ITGB2: variants seen among roughly 807,000 people sequenced by gnomAD.
ITGB2 encodes the protein integrin subunit beta 2, also known as integrin beta-2.
In ITGB2, 56 loss-of-function variants were observed where a neutral mutation model predicts 86.8. The ratio of observed to expected loss-of-function variants is 0.65; its 90% CI spans 0.52 to 0.81. The LOEUF is 0.81. Ranked by LOEUF, ITGB2 falls within the 30% of genes least tolerant of loss-of-function variation. ITGB2 has a pLI of 0.00. For synonymous variants in ITGB2, 457 were observed against 450.4 expected, an observed-to-expected ratio of 1.01 and a Z score of -0.19; for missense variants, 948 against 1,061.2, an observed-to-expected ratio of 0.89 and a Z score of 1.48.
In ITGB2 at chr21:44,886,727, G is replaced by A. The variant is rs372892354; in HGVS notation, c.2247+9C>T. ...CCTCTGCGTGGGACCCCCAAGGACG[G>A]CCACTTACATTGTTCCACTGGGACT... On this transcript the variant is annotated intron_variant, in intron 15 of 15. Transcript: ENST00000652462. 2 of 1,613,910 alleles carry A rather than the reference G, an allele frequency of 1.2e-6. No individual in the cohort carries two copies. Among genetic ancestry groups the A allele is most frequent in the Admixed American group, 1.7e-5 (1 of 59,998 alleles).
At chr21:44,925,427 GGAAGGAA>G (rs1257795237), upstream of ITGB2, among the ~76,000 whole-genome samples, 6 of 45,456 alleles carry the variant, frequency 1.3e-4, no homozygotes, top group African/African-American at 3.5e-4. Flanking sequence ...AGGGAGGGAA[GGAAGGAA>G]GGAAGGAAGG....
intron 3 of ITGB2, among the ~76,000 whole-genome samples, chr21:44,908,722 G>A (rs973235286): frequency 3.3e-5 from 5 of 152,178 alleles, no homozygotes; most frequent in Admixed American, 1.3e-4. Context: ...CGGCTTGTCC[G>A]GCTACAACGG....
chr21:44,889,589 G>T, intron 12 of ITGB2, 94 bp from the exon 13 acceptor site: 1 of 1,102,548 alleles, frequency 9.1e-7, no homozygotes. Flanking sequence ...CGGCCCGCCT[G>T]CCTCCTCCAG....
At position 44,903,409 on chromosome 21, in the gene ITGB2, T is replaced by A; in HGVS notation, c.455A>T (p.Asp152Val). The change falls in exon 5 of 16, where the codon GAC (aspartate) becomes GTC (valine). Residue 152 changes from aspartate to valine, a missense_variant. Transcript: ENST00000652462. ...DLRNVKKLGG[D>V]LLRALNEITE... is the part of the protein sequence containing the mutation. ...GATCTCGTTGAGGGCCCGGAGCAGG[T>A]CGCCACCTAGCTTCTTGACATTCCT... is the stretch of plus-strand genomic sequence containing the variant. 1 of 1,613,978 alleles carries A rather than the reference T, an allele frequency of 6.2e-7. No individual in the cohort carries two copies. Among genetic ancestry groups the A allele is most frequent in the East Asian group, 2.2e-5 (1 of 44,854 alleles).
intron 1 of ITGB2, among the ~76,000 whole-genome samples, chr21:44,913,305 C>T (rs140271317): frequency 1.3e-5 from 2 of 152,274 alleles, no homozygotes; most frequent in Non-Finnish European, 2.9e-5. Context: ...CTAACACAGT[C>T]GTGACCAGTG....
In ITGB2 at chr21:44,898,919, C is replaced by A. The variant is rs78840784; in HGVS notation, c.993+148G>T. 3.6e-3 allele frequency: 2,601 copies of A among 727,986 alleles called. 51 individuals carry two copies. The African/African-American group carries it at 0.041, about 11-fold the overall frequency. The allele number at this position is 727,986 out of a possible 1,614,324, so 45.1% of individuals were successfully genotyped here. A position where few individuals can be genotyped will look rare whatever the true frequency, so the allele number is the denominator to read the frequency against. ...CCCCGACGGGAAGCCTCGGGCTCCT[C>A]ACCTAGGGGGATCCAGGACCTGGGC... On this transcript the variant is annotated intron_variant, in intron 8 of 15. Transcript: ENST00000652462.
chr21:44,919,025 C>CTT (rs2084254994), intron 1 of ITGB2, among the ~76,000 whole-genome samples: 4 of 45,666 alleles, frequency 8.8e-5, no homozygotes, highest in Non-Finnish European at 1.5e-4. Flanking sequence ...TCGGAGGCAC[C>CTT]TGCAGTTGCT....
At chr21:44,894,825 G>A in intron 9 of ITGB2, 146 bp downstream of exon 9, 1 of 701,346 alleles carries the variant, frequency 1.4e-6, no homozygotes, top group Non-Finnish European at 2.6e-6. Context: ...GAGGCCTGAG[G>A]GCAGGTCGGG....
chr21:44,915,870 C>T (rs906367300), intron 1 of ITGB2, among the ~76,000 whole-genome samples: 3 of 152,150 alleles, frequency 2.0e-5, no homozygotes, highest in Non-Finnish European at 2.9e-5. Flanking sequence ...GTCAGGGAGA[C>T]GTGTTCCTAC....
At chr21:44,916,871 GAA>G (rs11404188) in intron 1 of ITGB2, among the ~76,000 whole-genome samples, 2 of 68,996 alleles carry the variant, frequency 2.9e-5, no homozygotes, top group Non-Finnish European at 3.6e-5. Flanking sequence ...TGTCTCAAAA[GAA>G]AAAAAAAAAA....
intron 7 of ITGB2, among the ~76,000 whole-genome samples, chr21:44,899,763 G>C (rs2083922352): frequency 6.6e-6 from 1 of 152,208 alleles, no homozygotes; most frequent in Non-Finnish European, 1.5e-5. Flanking sequence ...CCTCCGCAGA[G>C]AGGCTCATCC....
chr21:44,908,017 C>A (rs1346517215), intron 3 of ITGB2: 3 of 716,404 alleles, frequency 4.2e-6, no homozygotes, highest in Admixed American at 4.0e-5. Context: ...TTCAGAGGAG[C>A]TGAAAACCTC....
rs552407409 is a variant in ITGB2 at position 44,910,307 on chromosome 21, C to A, written c.124G>T (p.Gly42Cys). 1.5e-4 allele frequency: 249 copies of A among 1,614,074 alleles called. 1 individual carries two copies. The South Asian group carries it at 2.6e-3, about 17-fold the overall frequency. ...ACCAGCTTCTGGCACCAGGTGCAGC[C>A]GGGCCCCGACTCGATGCATTCCCGG... ...SCRECIESGPGCTWCQKLNFT... is the reference protein window; with the variant it reads ...SCRECIESGPCCTWCQKLNFT... Residue 42 changes from glycine (G) to cysteine (C), a missense_variant, in exon 3 of 16, where the codon GGC (glycine) becomes TGC (cysteine). Transcript: ENST00000652462.
chr21:44,909,729 G>C (rs1381614423), intron 3 of ITGB2, among the ~76,000 whole-genome samples: 1 of 152,202 alleles, frequency 6.6e-6, no homozygotes, highest in Non-Finnish European at 1.5e-5. Flanking sequence ...ATGATAATGA[G>C]ATACCAATGC....
chr21:44,886,519 C>A lies in ITGB2; in HGVS notation c.2248-89G>T, dbSNP rs546316064. 1.6e-3 allele frequency: 2,433 copies of A among 1,484,708 alleles called. 5 individuals carry two copies. The highest frequency in any genetic ancestry group is 2.0e-3 in the Non-Finnish European group (2,073 of 1,062,452). 92.0% of individuals were successfully genotyped at this position (1,484,708 alleles called of 1,614,324 possible). A position where few individuals can be genotyped will look rare whatever the true frequency, so the allele number is the denominator to read the frequency against. ...CTGAGGACACTCCCCGCATGGAAGC[C>A]GTCACTTTGAGGAAGAGCTAGACGT... On this transcript the variant is annotated intron_variant, in intron 15 of 15. Coordinates refer to ENST00000652462, the MANE Select transcript of ITGB2 (RefSeq NM_000211.5).
rs146114096 is a variant in ITGB2, at chr21:44,919,228, C to T, written c.-4+1593G>A. 7.5e-3 allele frequency among the ~76,000 whole-genome samples: 1,136 copies of T among 152,226 alleles called. 5 individuals carry two copies. The highest frequency in any genetic ancestry group is 0.011 in the Non-Finnish European group (780 of 68,022). On this transcript the variant is annotated intron_variant, in intron 1 of 15. Transcript: ENST00000652462. ...TGGCCCTGCTCAGGATGGCACCCGGCGGGGACTGGCCCTGGGGCCGAGGCA... is the reference window on the plus strand; with the variant it reads ...TGGCCCTGCTCAGGATGGCACCCGGTGGGGACTGGCCCTGGGGCCGAGGCA...
At chr21:44,899,569 C>T (rs1470018788) in intron 7 of ITGB2, among the ~76,000 whole-genome samples, 1 of 152,052 alleles carries the variant, frequency 6.6e-6, no homozygotes, top group Non-Finnish European at 1.5e-5. Context: ...CCGTCTGTGG[C>T]TCCCGGCGGA....
chr21:44,900,141 C>T (rs950120769), intron 7 of ITGB2, among the ~76,000 whole-genome samples, 179 bp downstream of exon 7: 2 of 152,232 alleles, frequency 1.3e-5, no homozygotes, highest in Admixed American at 1.3e-4. Context: ...CCCTACCCTC[C>T]CCTGGCCTGA....
intron 4 of ITGB2, among the ~76,000 whole-genome samples, chr21:44,904,581 A>G (rs1275156402): frequency 6.6e-6 from 1 of 150,820 alleles, no homozygotes; most frequent in Non-Finnish European, 1.5e-5. Context: ...CACAAAGCAC[A>G]CATACTATAT....
Sources: allele counts gnomAD v4.1 joint callset (sites outside exome capture counted in the v4.1 genomes callset), GRCh38; gene constraint gnomAD v4.1.1; transcripts MANE v1.5; gene names NCBI Gene and HGNC (gene_info 2026-07-23, HGNC 2026-07-21).